BIVM: variants seen among roughly 807,000 people sequenced by gnomAD.
BIVM encodes the protein basic, immunoglobulin-like variable motif containing.
A neutral mutation model predicts 61.4 loss-of-function variants in BIVM; 31 were observed. That is an observed-to-expected ratio of 0.51 (90% CI 0.38 to 0.68). The LOEUF is 0.68. Among genes scored for constraint, BIVM ranks in the 30% least tolerant of loss-of-function variants. The pLI is 0.00. For synonymous variants in BIVM, 189 were observed against 210.7 expected (o/e 0.90, Z 0.89); for missense variants, 526 against 596.0 (o/e 0.88, Z 1.22).
chr13:102,821,097 T>C lies in BIVM; in HGVS notation c.666T>C (p.Cys222=). The change falls in exon 5 of 11, where the codon TGT becomes TGC. Residue 222 remains cysteine (C), a synonymous_variant. Transcript: ENST00000257336. ...GTGGCATCTCTTCATTAATTTCTTGTTGGAATTTCTTATACAGCACAATGG... is the reference window on the plus strand; with the variant it reads ...GTGGCATCTCTTCATTAATTTCTTGCTGGAATTTCTTATACAGCACAATGG... The part of the protein sequence containing the change: ...TSCGISSLIS[C]WNFLYSTMGA... The C allele has an allele frequency of 6.2e-7, 1 of 1,613,620 alleles. No homozygotes were observed. The highest frequency in any genetic ancestry group is 8.5e-7 in the Non-Finnish European group (1 of 1,179,894).
At chr13:102,817,756 G>T (rs958909253) in intron 4 of BIVM, among the ~76,000 whole-genome samples, 1 of 151,472 alleles carries the variant, frequency 6.6e-6, no homozygotes, top group African/African-American at 2.4e-5. Flanking sequence ...GGGCTATTTG[G>T]TTATCTTAAA....
In BIVM at chr13:102,822,112, A is replaced by G. The variant is rs375743756; in HGVS notation, c.854A>G (p.Tyr285Cys). ...NDHFHVKGCS[Y>C]VLYKPHGKNK... ...CACTTCCATGTAAAAGGATGCTCTT[A>G]TGTTCTATATAAGCCTCATGGGAAG... The change falls in exon 7 of 11, where the codon TAT becomes TGT. Residue 285 changes from tyrosine (Y) to cysteine (C), a missense_variant. Transcript: ENST00000257336. 12 of 1,614,060 alleles carry G rather than the reference A, an allele frequency of 7.4e-6. No homozygotes were observed. Among genetic ancestry groups the G allele is most frequent in the African/African-American group, 1.3e-5 (1 of 75,060 alleles).
chr13:102,821,804 G>C lies in BIVM; in HGVS notation c.763G>C (p.Asp255His). The stretch of plus-strand genomic sequence containing the variant: ...TCTGGGCTTTCAACCTCCATTTGAA[G>C]ATATTAGGTTTGGTCCTTTCACGGG... Reference protein sequence around the residue: ...HILGFQPPFEDIRFGPFTGNT... With the variant: ...HILGFQPPFEHIRFGPFTGNT... Residue 255 changes from aspartate (D) to histidine (H), a missense_variant, in exon 6 of 11, where the codon GAT becomes CAT. Physicochemically the swap from Asp to His is moderately conservative, Grantham distance 81. Coordinates refer to ENST00000257336, the MANE Select transcript of BIVM (RefSeq NM_017693.4). 1 of 1,614,100 alleles carries C rather than the reference G, an allele frequency of 6.2e-7. No individual in the cohort carries two copies. The highest frequency in any genetic ancestry group is 8.5e-7 in the Non-Finnish European group (1 of 1,179,996).
chr13:102,810,570 G>A (rs1238949825), intron 3 of BIVM, among the ~76,000 whole-genome samples: 5 of 152,102 alleles, frequency 3.3e-5, no homozygotes, highest in South Asian at 2.1e-4. Flanking sequence ...ATACTGCTTC[G>A]TCCACACTTA....
At chr13:102,834,678 G>T in intron 9 of BIVM, 126 bp downstream of exon 9, 2 of 804,386 alleles carry the variant, frequency 2.5e-6, no homozygotes, top group Non-Finnish European at 3.6e-6. Flanking sequence ...ACCCAAACAG[G>T]ATATGGTACA....
intron 7 of BIVM, among the ~76,000 whole-genome samples, chr13:102,829,840 A>AAAAAT (rs1394579693): frequency 1.9e-4 from 29 of 149,514 alleles, no homozygotes; most frequent in African/African-American, 6.2e-4. Flanking sequence ...CCCTGTCTCA[A>AAAAAT]AAAATAAAAT....
At chr13:102,805,482 G>T (rs190321157) in intron 2 of BIVM, 92 bp downstream of exon 2, 1 of 152,156 alleles carries the variant, frequency 6.6e-6, no homozygotes, top group African/African-American at 2.4e-5. Flanking sequence ...GCCTATGTAC[G>T]TAAAAAATCT....
At chr13:102,821,876 G>T in intron 6 of BIVM, 29 bp downstream of exon 6, 1 of 1,600,286 alleles carries the variant, frequency 6.2e-7, no homozygotes, top group Non-Finnish European at 8.5e-7. Flanking sequence ...AGGCAATATC[G>T]TGTTTCTAGT....
intron 2 of BIVM, among the ~76,000 whole-genome samples, chr13:102,806,599 T>C (rs1879105200): frequency 6.6e-6 from 1 of 152,190 alleles, no homozygotes; most frequent in Admixed American, 6.5e-5. Context: ...TCAGATACTT[T>C]GCCCATTTTT....
intron 7 of BIVM, among the ~76,000 whole-genome samples, chr13:102,830,228 A>G (rs529925367): frequency 1.7e-4 from 26 of 152,094 alleles, no homozygotes; most frequent in African/African-American, 5.3e-4. Context: ...CATCTTCCCT[A>G]CTAATGCACT....
At chr13:102,818,177 G>A (rs1355514685) in intron 4 of BIVM, among the ~76,000 whole-genome samples, 1 of 152,182 alleles carries the variant, frequency 6.6e-6, no homozygotes, top group Non-Finnish European at 1.5e-5. Flanking sequence ...TCTCTGGAAT[G>A]TGGGTAATGA....
chr13:102,832,660 T>A (rs1881172569), intron 8 of BIVM, among the ~76,000 whole-genome samples: 1 of 152,244 alleles, frequency 6.6e-6, no homozygotes, highest in Admixed American at 6.5e-5. Flanking sequence ...CTTCTTTTCT[T>A]AAAGTGAAGA....
intron 1 of BIVM, chr13:102,800,836 C>T (rs1425654636): frequency 1.3e-5 from 2 of 152,256 alleles, no homozygotes; most frequent in African/African-American, 4.8e-5. Flanking sequence ...TTTCGCCCTC[C>T]CGCGCATATT....
intron 9 of BIVM, among the ~76,000 whole-genome samples, chr13:102,838,435 C>T (rs1314165085): frequency 6.6e-6 from 1 of 152,162 alleles, no homozygotes; most frequent in Non-Finnish European, 1.5e-5. Context: ...CAATTGTACA[C>T]TGAAAACCTT....
chr13:102,829,951 A>G (rs1424441047), intron 7 of BIVM, among the ~76,000 whole-genome samples: 1 of 152,218 alleles, frequency 6.6e-6, no homozygotes, highest in African/African-American at 2.4e-5. Flanking sequence ...ATTGTCCCAC[A>G]GTAGGCTCCT....
chr13:102,808,451 A>T (rs1435537454), intron 3 of BIVM, among the ~76,000 whole-genome samples: 1 of 152,122 alleles, frequency 6.6e-6, no homozygotes, highest in East Asian at 1.9e-4. Flanking sequence ...TCAAACTAGG[A>T]TTTGTATTTA....
At chr13:102,808,599 AT>A (rs2139153990) in intron 3 of BIVM, among the ~76,000 whole-genome samples, 1 of 152,204 alleles carries the variant, frequency 6.6e-6, no homozygotes, top group Non-Finnish European at 1.5e-5. Context: ...TTTTGTCTAA[AT>A]TTGTAGGTAA....
intron 3 of BIVM, among the ~76,000 whole-genome samples, chr13:102,808,372 T>G (rs1864130107): frequency 6.6e-6 from 1 of 152,174 alleles, no homozygotes; most frequent in Admixed American, 6.5e-5. Flanking sequence ...GCCCCATTTG[T>G]AGGTGAAGAA....
rs116554712 is a variant in BIVM, at chr13:102,814,195, G to T, written c.479-2233G>T. On this transcript the variant is annotated intron_variant, in intron 3 of 10. Transcript: ENST00000257336. The stretch of plus-strand genomic sequence containing the variant: ...ACTCAGTAATGAGAAGGAGCAGTGG[G>T]CGAAGGTTCTTGAAGCTGATGTGAT... Among the ~76,000 whole-genome samples, 301 of 152,202 alleles carry T rather than the reference G, an allele frequency of 2.0e-3. 1 individual carries two copies. The highest frequency in any genetic ancestry group is 6.9e-3 in the African/African-American group (286 of 41,528).
Sources: gnomAD v4.1 joint callset for allele counts (sites outside exome capture counted in the v4.1 genomes callset) on GRCh38, gnomAD v4.1.1 for gene constraint, MANE v1.5 for transcripts, NCBI Gene and HGNC (gene_info 2026-07-23, HGNC 2026-07-21) for gene names.